The following CSMD1 variants were observed in gnomAD, a reference collection of about 807,000 sequenced individuals.
CSMD1 encodes CUB and sushi domain-containing protein 1.
Under a neutral mutation model 417.5 loss-of-function variants are expected in CSMD1, and 213 were observed. That is an observed-to-expected ratio of 0.51 (90% CI 0.46 to 0.57). The LOEUF (loss-of-function observed/expected upper bound fraction) is 0.57. CSMD1 is among the 20% of genes least tolerant of loss of function. CSMD1 has a pLI of 0.00. For synonymous variants in CSMD1, 2,862 were observed against 1,736.8 expected (o/e 1.65, Z -16.11); for missense variants, 6,923 against 4,529.7 (o/e 1.53, Z -15.17).
chr8:4,403,458 G>C (rs1035863959), intron 3 of CSMD1, among the ~76,000 whole-genome samples: 2 of 152,044 alleles, frequency 1.3e-5, no homozygotes, highest in Non-Finnish European at 2.9e-5. Flanking sequence ...GTCCTTATCA[G>C]GGTCACCAAT....
At chr8:4,704,826 C>T (rs1175385947) in intron 1 of CSMD1, among the ~76,000 whole-genome samples, 1 of 152,170 alleles carries the variant, frequency 6.6e-6, no homozygotes, top group Non-Finnish European at 1.5e-5. Flanking sequence ...GTGCTTCCTA[C>T]TGCATCTCTA....
At chr8:3,582,921 G>A (rs1416892866) in intron 9 of CSMD1, among the ~76,000 whole-genome samples, 1 of 152,154 alleles carries the variant, frequency 6.6e-6, no homozygotes, top group Admixed American at 6.5e-5. Flanking sequence ...TAACTTAGGT[G>A]CTCCTGTGAA....
chr8:4,276,672 T>G (rs529161182), intron 3 of CSMD1, among the ~76,000 whole-genome samples: 2 of 152,210 alleles, frequency 1.3e-5, no homozygotes, highest in African/African-American at 2.4e-5. Flanking sequence ...CTTCTGGTCA[T>G]TGATTCAGGA....
At chr8:4,909,187 A>C (rs535064472) in intron 1 of CSMD1, among the ~76,000 whole-genome samples, 39 of 152,218 alleles carry the variant, frequency 2.6e-4, no homozygotes, top group African/African-American at 9.4e-4. Context: ...ATCCACTCTT[A>C]TAATGCAGGA....
intron 1 of CSMD1, among the ~76,000 whole-genome samples, chr8:4,808,950 G>T (rs1798741485): frequency 1.3e-5 from 2 of 152,160 alleles, no homozygotes; most frequent in African/African-American, 4.8e-5. Flanking sequence ...CATTCTTCAA[G>T]AACATAAGAG....
intron 10 of CSMD1, among the ~76,000 whole-genome samples, chr8:3,505,113 C>G (rs1554446137): frequency 6.6e-6 from 1 of 152,028 alleles, no homozygotes; most frequent in Non-Finnish European, 1.5e-5. Context: ...ACCCAAGCAT[C>G]ACAGGCAGAT....
At chr8:3,108,355 T>C (rs1033207243) in intron 44 of CSMD1, among the ~76,000 whole-genome samples, 4 of 152,204 alleles carry the variant, frequency 2.6e-5, no homozygotes, top group African/African-American at 9.7e-5. Flanking sequence ...TTCAATGGTC[T>C]TCATCTTAGA....
At chr8:3,253,726 G>T (rs1343380845) in intron 26 of CSMD1, among the ~76,000 whole-genome samples, 3 of 151,970 alleles carry the variant, frequency 2.0e-5, no homozygotes, top group African/African-American at 7.2e-5. Flanking sequence ...CTGTTTGCTT[G>T]GTAGATCTTC....
At chr8:4,440,279 A>G (rs1040578019) in intron 2 of CSMD1, among the ~76,000 whole-genome samples, 2 of 152,224 alleles carry the variant, frequency 1.3e-5, no homozygotes, top group Non-Finnish European at 2.9e-5. Flanking sequence ...TGCTCACAGC[A>G]TTGGTACTAT....
intron 2 of CSMD1, among the ~76,000 whole-genome samples, chr8:4,559,294 T>G (rs984880778): frequency 6.6e-6 from 1 of 152,208 alleles, no homozygotes; most frequent in Non-Finnish European, 1.5e-5. Context: ...AATAACAGTT[T>G]AGAGTTGAAT....
chr8:3,789,442 GTT>G lies in CSMD1; in HGVS notation c.819-35402_819-35401del, dbSNP rs34045957. Among the ~76,000 whole-genome samples the G allele has an allele frequency of 4.4e-3, 506 of 115,568 alleles. 6 individuals are homozygous for G. Among genetic ancestry groups the G allele is most frequent in the African/African-American group, 9.2e-3 (287 of 31,326 alleles). The allele number at this position is 115,568 out of a possible 152,430, so 75.8% of individuals were successfully genotyped here. ...TTTTAAGTAGTGTTTTTTTTTAAGT[GTT>G]TTTTTTTTTTTTTAAGTAAGGGACA... is the stretch of plus-strand genomic sequence containing the variant. On this transcript the variant is annotated intron_variant, in intron 5 of 69. Coordinates refer to ENST00000635120, the MANE Select transcript of CSMD1 (RefSeq NM_033225.6).
intron 3 of CSMD1, among the ~76,000 whole-genome samples, chr8:4,063,611 C>T (rs1424336542): frequency 6.6e-6 from 1 of 152,154 alleles, no homozygotes; most frequent in Non-Finnish European, 1.5e-5. Context: ...CGTACGTTTC[C>T]AGTTCAGCGG....
intron 1 of CSMD1, among the ~76,000 whole-genome samples, chr8:4,876,625 T>C (rs1803057629): frequency 6.6e-6 from 1 of 152,084 alleles, no homozygotes; most frequent in Non-Finnish European, 1.5e-5. Flanking sequence ...CAGTTCACAA[T>C]AGGTTATTTA....
At chr8:4,638,497 A>G (rs951719375) in intron 1 of CSMD1, among the ~76,000 whole-genome samples, 7 of 152,220 alleles carry the variant, frequency 4.6e-5, no homozygotes, top group East Asian at 3.8e-4. Flanking sequence ...AGCTCAGCAA[A>G]ACGAGGACTG....
At chr8:4,987,363 C>G (rs1439389569) in intron 1 of CSMD1, among the ~76,000 whole-genome samples, 2 of 152,132 alleles carry the variant, frequency 1.3e-5, no homozygotes, top group African/African-American at 2.4e-5. Flanking sequence ...CAGGCGTGTT[C>G]AGTACAGAAA....
intron 3 of CSMD1, among the ~76,000 whole-genome samples, chr8:4,150,716 G>A (rs767796490): frequency 6.6e-6 from 1 of 152,140 alleles, no homozygotes; most frequent in South Asian, 2.1e-4. Flanking sequence ...GTGGAAAGCA[G>A]ATTCAGAATG....
At chr8:4,061,580 A>C (rs1208774192) in intron 3 of CSMD1, among the ~76,000 whole-genome samples, 1 of 152,198 alleles carries the variant, frequency 6.6e-6, no homozygotes, top group Non-Finnish European at 1.5e-5. Flanking sequence ...TGACTATGGT[A>C]AGGAAGTTGT....
intron 49 of CSMD1, among the ~76,000 whole-genome samples, chr8:3,070,272 T>C (rs1257224099): frequency 1.3e-5 from 2 of 152,262 alleles, no homozygotes; most frequent in Non-Finnish European, 2.9e-5. Context: ...AACAAGTAGC[T>C]GCTCCACAGC....
At chr8:3,704,161 T>C (rs182811853) in intron 7 of CSMD1, among the ~76,000 whole-genome samples, 4 of 152,248 alleles carry the variant, frequency 2.6e-5, no homozygotes, top group Non-Finnish European at 5.9e-5. Flanking sequence ...ACCAGTCAGT[T>C]AGACAGTGAA....
Sources: allele counts gnomAD v4.1 joint callset (sites outside exome capture counted in the v4.1 genomes callset), GRCh38; gene constraint gnomAD v4.1.1; transcripts MANE v1.5; gene names NCBI Gene and HGNC (gene_info 2026-07-23, HGNC 2026-07-21).